TRPM6: variants seen among roughly 807,000 people sequenced by gnomAD.
TRPM6 encodes the protein channel kinase 2.
Under a neutral mutation model 247.6 loss-of-function variants are expected in TRPM6, and 111 were observed. The ratio of observed to expected loss-of-function variants is 0.45; its 90% confidence interval spans 0.38 to 0.52. The LOEUF (loss-of-function observed/expected upper bound fraction) is 0.52. TRPM6 is among the 20% of genes least tolerant of loss of function. TRPM6 has a pLI of 0.00. For synonymous variants in TRPM6, 892 were observed against 853.8 expected, an observed-to-expected ratio of 1.04 and a Z score of -0.78; for missense variants, 2,126 against 2,421.5, an observed-to-expected ratio of 0.88 and a Z score of 2.56.
intron 5 of TRPM6, among the ~76,000 whole-genome samples, chr9:74,839,124 A>AG (rs1829830448): frequency 1.3e-5 from 2 of 151,718 alleles, no homozygotes; most frequent in Admixed American, 6.6e-5. Flanking sequence ...AAAAAAAAAA[A>AG]AAAGAAAAAG....
intron 32 of TRPM6, among the ~76,000 whole-genome samples, chr9:74,743,059 C>G (rs902308726): frequency 6.6e-6 from 1 of 152,130 alleles, no homozygotes; most frequent in African/African-American, 2.4e-5. Context: ...AGCCGAAGAC[C>G]GATTTTAATT....
chr9:74,881,112 T>C (rs1433383997), intron 1 of TRPM6, among the ~76,000 whole-genome samples: 1 of 151,930 alleles, frequency 6.6e-6, no homozygotes, highest in Non-Finnish European at 1.5e-5. Context: ...CTGGTCAACG[T>C]AGCGAGATCC....
chr9:74,746,616 G>T (rs1826055183), intron 31 of TRPM6, among the ~76,000 whole-genome samples: 1 of 152,216 alleles, frequency 6.6e-6, no homozygotes, highest in African/African-American at 2.4e-5. Context: ...TTGGGTAACA[G>T]GGAGCCATTG....
At chr9:74,881,463 A>G (rs1157165048) in intron 1 of TRPM6, among the ~76,000 whole-genome samples, 1 of 152,158 alleles carries the variant, frequency 6.6e-6, no homozygotes, top group Admixed American at 6.5e-5. Flanking sequence ...ATTCGATCAA[A>G]CAGAACAAAT....
At chr9:74,756,383 T>G (rs1178327467) in intron 27 of TRPM6, among the ~76,000 whole-genome samples, 1 of 152,150 alleles carries the variant, frequency 6.6e-6, no homozygotes, top group African/African-American at 2.4e-5. Context: ...AGGCAGAGCA[T>G]TAAGATCATG....
chr9:74,843,272 C>T (rs1264514417), intron 3 of TRPM6, among the ~76,000 whole-genome samples: 1 of 152,192 alleles, frequency 6.6e-6, no homozygotes, highest in East Asian at 1.9e-4. Context: ...CCAGCACCTT[C>T]TACAGTGACT....
chr9:74,838,369 C>A (rs1363477123), intron 5 of TRPM6, among the ~76,000 whole-genome samples: 2 of 152,176 alleles, frequency 1.3e-5, no homozygotes, highest in South Asian at 2.1e-4. Flanking sequence ...GAATGTGAAA[C>A]AATCTCTATA....
chr9:74,850,147 G>A (rs537809155), intron 3 of TRPM6, among the ~76,000 whole-genome samples: 2 of 152,282 alleles, frequency 1.3e-5, no homozygotes, highest in East Asian at 1.9e-4. Context: ...CAAGGCGGGC[G>A]GATCACTTGA....
intron 5 of TRPM6, among the ~76,000 whole-genome samples, chr9:74,835,599 G>C (rs1031733168): frequency 4.6e-5 from 7 of 152,100 alleles, no homozygotes; most frequent in Non-Finnish European, 1.5e-5. Flanking sequence ...ATTTCAGTAA[G>C]TGTTGGCTAC....
At chr9:74,838,772 G>A (rs981822289) in intron 5 of TRPM6, among the ~76,000 whole-genome samples, 1 of 152,110 alleles carries the variant, frequency 6.6e-6, no homozygotes, top group Non-Finnish European at 1.5e-5. Context: ...ACACTGGGCA[G>A]GGCATGCCAA....
chr9:74,879,537 A>G (rs1831295441), intron 1 of TRPM6, among the ~76,000 whole-genome samples: 1 of 152,078 alleles, frequency 6.6e-6, no homozygotes, highest in African/African-American at 2.4e-5. Flanking sequence ...ACCTGGCCCA[A>G]TGCAGGATTC....
chr9:74,756,445 A>T (rs1445580521), intron 27 of TRPM6, among the ~76,000 whole-genome samples: 1 of 152,132 alleles, frequency 6.6e-6, no homozygotes, highest in Admixed American at 6.5e-5. Flanking sequence ...TTCCAAACGA[A>T]ATATAAAAAG....
intron 9 of TRPM6, among the ~76,000 whole-genome samples, chr9:74,817,749 G>T (rs62789960): frequency 6.7e-6 from 1 of 148,592 alleles, no homozygotes; most frequent in Non-Finnish European, 1.5e-5. Context: ...AAGGGGGGGG[G>T]AGTCACCTGT....
rs753089137 is a variant in TRPM6, at chr9:74,782,354, TA to T, written c.3209+7del. The stretch of plus-strand genomic sequence containing the variant: ...TTTAAATAATCATATTTAATTGAAA[TA>T]ACCTACTTGAAGAAAGCAATCAACA... On this transcript the variant is annotated splice_region_variant and intron_variant, in intron 23 of 38. Coordinates refer to ENST00000360774, the MANE Select transcript of TRPM6 (RefSeq NM_017662.5). 6.3e-7 allele frequency: 1 copy of T among 1,590,230 alleles called. No homozygotes were observed. Among genetic ancestry groups the T allele is most frequent in the Non-Finnish European group, 8.6e-7 (1 of 1,158,404 alleles).
In TRPM6 at chr9:74,828,278, C is replaced by T. The variant is rs541804693; in HGVS notation, c.670-329G>A. On this transcript the variant is annotated intron_variant, in intron 6 of 38. Transcript: ENST00000360774. ...GGCTGAGGCAGGAGAATTGCTTGAA[C>T]CCGGCAGGCAGAAGTTGCAGTGAGG... 5.9e-5 allele frequency among the ~76,000 whole-genome samples: 9 copies of T among 152,270 alleles called. No homozygotes were observed. In the South Asian group the frequency reaches 1.2e-3, roughly 21 times the overall value.
intron 23 of TRPM6, 113 bp from the exon 24 acceptor site, chr9:74,776,189 CCAATACAAATACT>C: frequency 1.1e-6 from 1 of 901,260 alleles, no homozygotes; most frequent in Non-Finnish European, 1.8e-6. Context: ...CGGCAGTTAC[CCAATACAAATACT>C]ATCCACGTGT....
intron 30 of TRPM6, among the ~76,000 whole-genome samples, chr9:74,748,334 C>G (rs919870611): frequency 3.3e-5 from 5 of 152,188 alleles, no homozygotes; most frequent in Non-Finnish European, 5.9e-5. Flanking sequence ...TTATATTATG[C>G]TCTTTTTCAT....
Position 74,785,874 on chromosome 9 carries a change from C to T in TRPM6, c.2919G>A (p.Met973Ile). The change falls in exon 21 of 39, where the codon ATG becomes ATA. Residue 973 changes from methionine to isoleucine, a missense_variant and splice_region_variant. Transcript: ENST00000360774. ...GGATATAAAACTAGACTGTACTCACCATTTTTGCAATCATGGTCACATATG... is the reference window on the plus strand; with the variant it reads ...GGATATAAAACTAGACTGTACTCACTATTTTTGCAATCATGGTCACATATG... Reference protein sequence around the residue: ...AGPYVTMIAKMTANMFYIVII... With the variant: ...AGPYVTMIAKITANMFYIVII... The T allele has an allele frequency of 6.2e-7, 1 of 1,614,164 alleles. No homozygotes were observed. Among genetic ancestry groups the T allele is most frequent in the Non-Finnish European group, 8.5e-7 (1 of 1,180,046 alleles).
At chr9:74,808,220 T>G (rs368828785) in intron 13 of TRPM6, 46 bp from the exon 14 acceptor site, 7 of 1,612,012 alleles carry the variant, frequency 4.3e-6, no homozygotes, top group Non-Finnish European at 5.9e-6. Flanking sequence ...GTTATCTTCT[T>G]TCATTTCTCT....
Sources: allele counts gnomAD v4.1 joint callset (sites outside exome capture counted in the v4.1 genomes callset), GRCh38; gene constraint gnomAD v4.1.1; transcripts MANE v1.5; gene names NCBI Gene and HGNC (gene_info 2026-07-23, HGNC 2026-07-21).